STK31: variants seen among roughly 807,000 people sequenced by gnomAD.
The protein encoded by STK31 is serine/threonine kinase 31.
Under a neutral mutation model 129.7 loss-of-function variants are expected in STK31, and 89 were observed. The ratio of observed to expected loss-of-function variants is 0.69; its 90% CI spans 0.58 to 0.82. The LOEUF (loss-of-function observed/expected upper bound fraction) is 0.82. STK31 is among the 40% of genes least tolerant of loss of function. The pLI is 0.00. For synonymous variants in STK31, 448 were observed against 395.3 expected (o/e 1.13, Z -1.58); for missense variants, 1,187 against 1,176.4 (o/e 1.01, Z -0.13).
chr7:23,828,401 G>A (rs1369534851), intron 23 of STK31, among the ~76,000 whole-genome samples: 1 of 152,226 alleles, frequency 6.6e-6, no homozygotes, highest in African/African-American at 2.4e-5. Flanking sequence ...GCCATGTGCC[G>A]GATATAATCT....
At position 23,813,084 on chromosome 7, in the gene STK31, T is replaced by G. The variant is rs947567261; in HGVS notation, c.2761-2060T>G. Among the ~76,000 whole-genome samples the G allele has an allele frequency of 1.5e-4, 21 of 138,300 alleles. 1 individual carries two copies. Among genetic ancestry groups the G allele is most frequent in the Non-Finnish European group, 4.6e-5 (3 of 64,994 alleles). 90.7% of individuals were successfully genotyped at this position (138,300 alleles called of 152,430 possible). ...GTCCTTGAGGCTCTCTGTTCTTTTT[T>G]TTTTTTTTTTTTTTGTCTGTTTTCT... On this transcript the variant is annotated intron_variant, in intron 22 of 23. Transcript: ENST00000355870.
intron 11 of STK31, among the ~76,000 whole-genome samples, chr7:23,763,822 C>T (rs1009813447): frequency 2.0e-5 from 3 of 152,118 alleles, no homozygotes; most frequent in East Asian, 3.9e-4. Flanking sequence ...ATTTCATTTT[C>T]AAGTGTTTTC....
intron 23 of STK31, among the ~76,000 whole-genome samples, chr7:23,829,285 T>A (rs1336153691): frequency 6.6e-6 from 1 of 152,170 alleles, no homozygotes; most frequent in Non-Finnish European, 1.5e-5. Context: ...TTTATTTTGT[T>A]GAGGTGTGTT....
chr7:23,750,124 A>G (rs1279155390), intron 8 of STK31, among the ~76,000 whole-genome samples: 4 of 137,094 alleles, frequency 2.9e-5, no homozygotes. Context: ...TATGTATGAT[A>G]CTGTATTTAC....
chr7:23,813,770 G>T (rs955973869), intron 22 of STK31, among the ~76,000 whole-genome samples: 13 of 152,252 alleles, frequency 8.5e-5, no homozygotes, highest in Admixed American at 2.0e-4. Context: ...TCTTGAGCTG[G>T]GTGCTAGTTG....
chr7:23,716,177 G>C (rs1786310521), intron 3 of STK31, among the ~76,000 whole-genome samples: 2 of 151,958 alleles, frequency 1.3e-5, no homozygotes, highest in African/African-American at 4.8e-5. Context: ...GTTTTTCCTT[G>C]TATTTCAAGA....
In STK31 at chr7:23,729,153, A is replaced by G; in HGVS notation, c.387A>G (p.Glu129=). 6.2e-7 allele frequency: 1 copy of G among 1,612,050 alleles called. No individual in the cohort carries two copies. The highest frequency in any genetic ancestry group is 8.5e-7 in the Non-Finnish European group (1 of 1,179,558). The change falls in exon 6 of 24, where the codon GAA becomes GAG. Residue 129 remains glutamate (E), a synonymous_variant. Coordinates refer to ENST00000355870, the MANE Select transcript of STK31 (RefSeq NM_031414.5). ...TTCTAAATCGATCTGATATAGTTGA[A>G]ATTCCTTTGGAGCTGCAGTTTTCTA... ...TEILNRSDIV[E]IPLELQFSSV... is the part of the protein sequence containing the mutation.
At chr7:23,715,480 A>G (rs1786254415) in intron 3 of STK31, among the ~76,000 whole-genome samples, 1 of 150,866 alleles carries the variant, frequency 6.6e-6, no homozygotes. Flanking sequence ...TTAGCCAGGC[A>G]TGGTGGTGCA....
chr7:23,719,074 T>A (rs887353310), intron 4 of STK31, among the ~76,000 whole-genome samples: 4 of 152,108 alleles, frequency 2.6e-5, no homozygotes, highest in African/African-American at 9.6e-5. Flanking sequence ...TCTTGTGAAG[T>A]ACCTATTCAC....
At chr7:23,806,139 A>G (rs770447470) in intron 22 of STK31, among the ~76,000 whole-genome samples, 36 of 152,196 alleles carry the variant, frequency 2.4e-4, no homozygotes, top group Non-Finnish European at 4.4e-4. Flanking sequence ...GCTGGGAAAT[A>G]AGTTACCAGT....
chr7:23,790,737 T>G, intron 21 of STK31, 87 bp from the exon 22 acceptor site: 1 of 1,239,700 alleles, frequency 8.1e-7, no homozygotes. Context: ...ATGAATTTGT[T>G]TTTTGTATTG....
chr7:23,814,045 T>C (rs1013926079), intron 22 of STK31, among the ~76,000 whole-genome samples: 2 of 151,826 alleles, frequency 1.3e-5, no homozygotes, highest in Admixed American at 6.6e-5. Context: ...CCTCACATGG[T>C]GGTGTTGATG....
intron 4 of STK31, among the ~76,000 whole-genome samples, chr7:23,723,186 C>A (rs1031074446): frequency 1.3e-5 from 2 of 152,140 alleles, no homozygotes; most frequent in South Asian, 4.1e-4. Context: ...TGTTCCTATT[C>A]GGCCATCTTG....
At chr7:23,752,006 T>C (rs556937731) in intron 8 of STK31, among the ~76,000 whole-genome samples, 1 of 152,166 alleles carries the variant, frequency 6.6e-6, no homozygotes, top group African/African-American at 2.4e-5. Flanking sequence ...GTTTGAGAGA[T>C]AGAGTTTTAA....
At chr7:23,821,343 T>A (rs1793772804) in intron 23 of STK31, among the ~76,000 whole-genome samples, 2 of 152,206 alleles carry the variant, frequency 1.3e-5, no homozygotes, top group Non-Finnish European at 2.9e-5. Flanking sequence ...TGTCATTTTT[T>A]AAAATAGTGG....
Position 23,710,328 on chromosome 7 carries a change from A to G in STK31, c.43A>G (p.Ser15Gly), listed in dbSNP as rs762382661. 3 of 1,613,386 alleles carry G rather than the reference A, an allele frequency of 1.9e-6. No individual in the cohort carries two copies. Among genetic ancestry groups the G allele is most frequent in the Middle Eastern group, 1.6e-4 (1 of 6,070 alleles). Residue 15 changes from serine to glycine, a missense_variant, in exon 1 of 24, where the codon AGT becomes GGT. Ser to Gly is a moderately conservative substitution (Grantham distance 56, BLOSUM62 0). Transcript: ENST00000355870. The part of the protein sequence containing the change: ...GHSSRASATE[S>G]VSFSGIVQMD... ...CTCTTCTAGAGCTTCCGCAACGGAA[A>G]GTGTGAGGTCAGTAGTAGTTTTTGT...
chr7:23,785,734 T>C, intron 18 of STK31, 131 bp downstream of exon 18: 1 of 1,244,136 alleles, frequency 8.0e-7, no homozygotes, highest in Non-Finnish European at 1.1e-6. Context: ...ATGATAATTG[T>C]GCTTGTAGTT....
At chr7:23,718,717 A>T (rs1214184918) in intron 4 of STK31, among the ~76,000 whole-genome samples, 7 of 152,090 alleles carry the variant, frequency 4.6e-5, no homozygotes, top group Non-Finnish European at 1.0e-4. Context: ...CATTGTATAA[A>T]TATAACACAA....
chr7:23,749,891 T>C (rs1362085593), intron 8 of STK31, among the ~76,000 whole-genome samples: 1 of 152,014 alleles, frequency 6.6e-6, no homozygotes, highest in African/African-American at 2.4e-5. Flanking sequence ...GAATTGGGTA[T>C]TTACCTCCTC....
Sources: gnomAD v4.1 joint callset for allele counts (sites outside exome capture counted in the v4.1 genomes callset) on GRCh38, gnomAD v4.1.1 for gene constraint, MANE v1.5 for transcripts, NCBI Gene and HGNC (gene_info 2026-07-23, HGNC 2026-07-21) for gene names.